ZBTB7C: variants seen among roughly 807,000 people sequenced by gnomAD.
ZBTB7C encodes zinc finger and BTB domain-containing protein 7C.
In ZBTB7C, 8 loss-of-function variants were observed where a neutral mutation model predicts 25.7. That is an observed-to-expected ratio of 0.31 (90% CI 0.18 to 0.56). The LOEUF is 0.56. ZBTB7C is among the 20% of genes least tolerant of loss of function. The pLI is 0.91. For missense variants in ZBTB7C, 824 were observed against 855.2 expected (o/e 0.96, Z 0.46); for synonymous variants, 394 against 369.0 (o/e 1.07, Z -0.78).
intron 3 of ZBTB7C, among the ~76,000 whole-genome samples, chr18:48,163,778 G>A (rs1159560564): frequency 6.6e-6 from 1 of 152,214 alleles, no homozygotes; most frequent in African/African-American, 2.4e-5. Context: ...GCCATCCAAA[G>A]TCTCTTTGAG....
At chr18:48,079,297 A>C (rs773152854) in intron 3 of ZBTB7C, among the ~76,000 whole-genome samples, 29 of 152,216 alleles carry the variant, frequency 1.9e-4, no homozygotes, top group Non-Finnish European at 4.0e-4. Flanking sequence ...TATGGGGTCC[A>C]TGGTGCCCAG....
At chr18:48,103,908 G>A (rs1378306994) in intron 3 of ZBTB7C, among the ~76,000 whole-genome samples, 2 of 152,204 alleles carry the variant, frequency 1.3e-5, no homozygotes, top group African/African-American at 4.8e-5. Flanking sequence ...ACATAAAGTA[G>A]ATTAATCGTT....
intron 3 of ZBTB7C, among the ~76,000 whole-genome samples, chr18:48,164,874 C>A (rs973211528): frequency 6.6e-6 from 1 of 152,104 alleles, no homozygotes; most frequent in African/African-American, 2.4e-5. Flanking sequence ...GAGCCCCCAC[C>A]CCCTACATCC....
chr18:48,360,696 C>A (rs557786203), intron 1 of ZBTB7C, among the ~76,000 whole-genome samples: 6 of 152,134 alleles, frequency 3.9e-5, no homozygotes, highest in African/African-American at 1.4e-4. Context: ...TAGTGGAATC[C>A]CTAGACCAAG....
At chr18:48,059,274 A>G (rs1179968575) in intron 3 of ZBTB7C, among the ~76,000 whole-genome samples, 1 of 151,900 alleles carries the variant, frequency 6.6e-6, no homozygotes, top group Non-Finnish European at 1.5e-5. Flanking sequence ...ATTCCCCTAT[A>G]TCTCCCATCA....
intron 3 of ZBTB7C, among the ~76,000 whole-genome samples, chr18:48,166,000 C>T (rs370454661): frequency 1.5e-4 from 23 of 152,314 alleles, no homozygotes; most frequent in African/African-American, 5.1e-4. Flanking sequence ...ACGTTTTTCC[C>T]AGATTTTTTT....
At chr18:48,340,386 A>G (rs1259654940) in intron 1 of ZBTB7C, among the ~76,000 whole-genome samples, 1 of 152,192 alleles carries the variant, frequency 6.6e-6, no homozygotes, top group Admixed American at 6.5e-5. Flanking sequence ...TCTAGTCAAC[A>G]GAAGACTAGA....
chr18:48,136,307 G>T (rs2040157999), intron 3 of ZBTB7C, among the ~76,000 whole-genome samples: 1 of 152,166 alleles, frequency 6.6e-6, no homozygotes, highest in South Asian at 2.1e-4. Flanking sequence ...TCGCCTGCTC[G>T]GGTGGGAGTG....
intron 1 of ZBTB7C, among the ~76,000 whole-genome samples, chr18:48,352,678 G>A (rs772901696): frequency 1.8e-4 from 28 of 152,188 alleles, no homozygotes; most frequent in Admixed American, 5.2e-4. Context: ...ATGAAAGTAT[G>A]CCTCAAGGGC....
intron 3 of ZBTB7C, among the ~76,000 whole-genome samples, chr18:48,108,904 G>A (rs1254956999): frequency 6.6e-6 from 1 of 152,082 alleles, no homozygotes; most frequent in Non-Finnish European, 1.5e-5. Flanking sequence ...CTGTGCATTA[G>A]TAAAGTTGTT....
intron 3 of ZBTB7C, among the ~76,000 whole-genome samples, chr18:48,096,775 A>G (rs1297985317): frequency 6.6e-6 from 1 of 152,176 alleles, no homozygotes. Context: ...AGAGCAAAGG[A>G]GTGTGGTGGG....
intron 2 of ZBTB7C, among the ~76,000 whole-genome samples, chr18:48,255,847 G>C (rs1270339730): frequency 2.0e-5 from 3 of 152,072 alleles, no homozygotes; most frequent in Non-Finnish European, 4.4e-5. Context: ...AAATACACTG[G>C]ATAGAATCCA....
At chr18:48,353,976 G>A (rs535612566) in intron 1 of ZBTB7C, among the ~76,000 whole-genome samples, 1 of 152,272 alleles carries the variant, frequency 6.6e-6, no homozygotes, top group East Asian at 1.9e-4. Flanking sequence ...ACCTCCTTAG[G>A]TTGCCATATT....
chr18:48,387,259 G>A (rs2145235251), intron 1 of ZBTB7C, among the ~76,000 whole-genome samples: 1 of 152,296 alleles, frequency 6.6e-6, no homozygotes, highest in South Asian at 2.1e-4. Flanking sequence ...GAACTCATTG[G>A]AGGGTTTTTT....
intron 2 of ZBTB7C, among the ~76,000 whole-genome samples, chr18:48,190,514 T>G (rs533287866): frequency 1.3e-5 from 2 of 152,292 alleles, no homozygotes; most frequent in African/African-American, 4.8e-5. Flanking sequence ...TAGCAGACAC[T>G]GAAGCAGTGC....
intron 3 of ZBTB7C, among the ~76,000 whole-genome samples, chr18:48,181,336 A>G (rs1305530130): frequency 6.6e-6 from 1 of 152,168 alleles, no homozygotes; most frequent in East Asian, 1.9e-4. Flanking sequence ...ATAAGAAAAG[A>G]GTGTTTGTGG....
chr18:48,268,185 G>A (rs187190333), intron 2 of ZBTB7C, among the ~76,000 whole-genome samples: 8 of 152,248 alleles, frequency 5.3e-5, no homozygotes, highest in East Asian at 1.9e-4. Context: ...AAAGTCCAAC[G>A]GCACGCTTTT....
intron 3 of ZBTB7C, among the ~76,000 whole-genome samples, chr18:48,109,293 T>C (rs1046911215): frequency 6.6e-6 from 1 of 152,162 alleles, no homozygotes; most frequent in African/African-American, 2.4e-5. Flanking sequence ...GGGTTCCCAA[T>C]TTTGAATACC....
intron 3 of ZBTB7C, among the ~76,000 whole-genome samples, chr18:48,144,438 G>T (rs2040441444): frequency 6.6e-6 from 1 of 152,060 alleles, no homozygotes; most frequent in African/African-American, 2.4e-5. Flanking sequence ...CAACCTCCCA[G>T]ACTCAAGTAA....
Sources: allele counts gnomAD v4.1 joint callset (sites outside exome capture counted in the v4.1 genomes callset), GRCh38; gene constraint gnomAD v4.1.1; transcripts MANE v1.5; gene names NCBI Gene and HGNC (gene_info 2026-07-23, HGNC 2026-07-21).